MNAT1: variants seen among roughly 807,000 people sequenced by gnomAD.
MNAT1 encodes the protein CDK-activating kinase assembly factor MAT1.
A neutral mutation model predicts 42.0 loss-of-function variants in MNAT1; 43 were observed. That is an observed-to-expected ratio of 1.02 (90% confidence interval 0.80 to 1.32). MNAT1 has a LOEUF of 1.32. Ranked by LOEUF, MNAT1 falls within the 40% of genes most tolerant of loss-of-function variation. MNAT1 has a pLI of 0.00. For missense variants in MNAT1, 306 were observed against 350.4 expected (o/e 0.87, Z 1.01); for synonymous variants, 118 against 120.0 (o/e 0.98, Z 0.11).
At chr14:60,806,491 G>A (rs989300384) in intron 3 of MNAT1, among the ~76,000 whole-genome samples, 6 of 152,212 alleles carry the variant, frequency 3.9e-5, no homozygotes, top group African/African-American at 1.4e-4. Flanking sequence ...GACACAACTA[G>A]TTTTGTAGGC....
At chr14:60,808,802 C>T (rs1228133791) in intron 4 of MNAT1, 1 of 153,100 alleles carries the variant, frequency 6.5e-6, no homozygotes, top group Non-Finnish European at 1.5e-5. Context: ...AGAGAGAAAA[C>T]CCAGACAGAC....
At chr14:60,952,126 A>T (rs1369218410) in intron 7 of MNAT1, among the ~76,000 whole-genome samples, 1 of 152,164 alleles carries the variant, frequency 6.6e-6, no homozygotes, top group Non-Finnish European at 1.5e-5. Context: ...TCCTACCTCT[A>T]ACAGGACTGA....
At chr14:60,747,296 T>C (rs1389334530) in intron 1 of MNAT1, among the ~76,000 whole-genome samples, 2 of 152,060 alleles carry the variant, frequency 1.3e-5, no homozygotes, top group African/African-American at 2.4e-5. Flanking sequence ...AAATTATGTC[T>C]TAATGATGGG....
In MNAT1 at chr14:60,784,357, A is replaced by T. The variant is rs1385974985; in HGVS notation, c.90-11860A>T. On this transcript the variant is annotated intron_variant, in intron 1 of 7. Coordinates refer to ENST00000261245, the MANE Select transcript of MNAT1 (RefSeq NM_002431.4). Reference sequence around the variant, plus strand: ...AACTAAAAACATTTTTTTTTTTTTTAAATAGAGATGAGGGTCTTGCTGTGT... The same window carrying T: ...AACTAAAAACATTTTTTTTTTTTTTTAATAGAGATGAGGGTCTTGCTGTGT... Among the ~76,000 whole-genome samples the T allele has an allele frequency of 3.1e-4, 45 of 146,360 alleles. No homozygotes were observed. In the East Asian group the frequency reaches 5.9e-3, roughly 19 times the overall value.
At position 60,923,335 on chromosome 14, in the gene MNAT1, G is replaced by A. The variant is rs541630259; in HGVS notation, c.809+43500G>A. 3.1e-4 allele frequency among the ~76,000 whole-genome samples: 47 copies of A among 152,242 alleles called. No homozygotes were observed. In the East Asian group the frequency reaches 9.1e-3, roughly 29 times the overall value. ...AGTAATGCTGATGCTGATGGTTAAG[G>A]ACTATACTTTGAGAACCACTAGCTT... On this transcript the variant is annotated intron_variant, in intron 7 of 7. Coordinates refer to ENST00000261245, the MANE Select transcript of MNAT1 (RefSeq NM_002431.4).
rs922630033 is a variant in MNAT1 at position 60,911,895 on chromosome 14, T to G, written c.809+32060T>G. Among the ~76,000 whole-genome samples, 7 of 152,216 alleles carry G rather than the reference T, an allele frequency of 4.6e-5. 1 individual carries two copies. In the East Asian group the frequency reaches 7.7e-4, roughly 17 times the overall value. The stretch of plus-strand genomic sequence containing the variant: ...TATCCTTGTTAACTTTCTGTCTCGT[T>G]GATCTGTCTAATGTTGACAGTGGGG... On this transcript the variant is annotated intron_variant, in intron 7 of 7. Coordinates refer to ENST00000261245, the MANE Select transcript of MNAT1 (RefSeq NM_002431.4).
intron 6 of MNAT1, among the ~76,000 whole-genome samples, chr14:60,841,782 T>C (rs945640723): frequency 1.3e-5 from 2 of 152,262 alleles, no homozygotes; most frequent in African/African-American, 4.8e-5. Context: ...TTTTAAGCAT[T>C]GTTAGCATGT....
intron 6 of MNAT1, among the ~76,000 whole-genome samples, chr14:60,873,608 A>G (rs1594821314): frequency 6.7e-6 from 1 of 149,962 alleles, no homozygotes; most frequent in Non-Finnish European, 1.5e-5. Flanking sequence ...AGCTGGGACT[A>G]CAGGTGAACA....
chr14:60,752,578 T>C (rs1178861503), intron 1 of MNAT1, among the ~76,000 whole-genome samples: 1 of 152,062 alleles, frequency 6.6e-6, no homozygotes, highest in East Asian at 1.9e-4. Flanking sequence ...GGTAGGAGGA[T>C]TGCTTGAGCC....
At chr14:60,828,119 CTTA>C (rs2033105575) in intron 6 of MNAT1, among the ~76,000 whole-genome samples, 1 of 151,968 alleles carries the variant, frequency 6.6e-6, no homozygotes, top group Non-Finnish European at 1.5e-5. Context: ...ACAGGTCGTC[CTTA>C]TTATATTATT....
intron 3 of MNAT1, among the ~76,000 whole-genome samples, chr14:60,799,699 A>AT (rs2032139653): frequency 6.8e-6 from 1 of 148,012 alleles, no homozygotes; most frequent in African/African-American, 2.5e-5. Flanking sequence ...TGATTAAAAA[A>AT]ATATATATAT....
chr14:60,793,959 C>A (rs2031916017), intron 1 of MNAT1, among the ~76,000 whole-genome samples: 1 of 151,862 alleles, frequency 6.6e-6, no homozygotes, highest in African/African-American at 2.4e-5. Context: ...TATGACAAGG[C>A]AGATTATAAA....
Position 60,796,386 on chromosome 14 carries a change from G to T in MNAT1, c.242+17G>T, listed in dbSNP as rs762780256. 2 of 1,600,166 alleles carry T rather than the reference G, an allele frequency of 1.2e-6. No individual in the cohort carries two copies. Among genetic ancestry groups the T allele is most frequent in the Admixed American group, 1.7e-5 (1 of 58,154 alleles). The stretch of plus-strand genomic sequence containing the variant: ...GCTAAAGATGTAAGTATTCCTGCTC[G>T]AATGATTCAGTCAACAAAGAGGACT... On this transcript the variant is annotated intron_variant, in intron 2 of 7. Transcript: ENST00000261245.
chr14:60,787,851 G>A (rs992520236), intron 1 of MNAT1, among the ~76,000 whole-genome samples: 2 of 152,064 alleles, frequency 1.3e-5, no homozygotes, highest in African/African-American at 2.4e-5. Flanking sequence ...TAGTTCTCTC[G>A]CTGTTTCTGC....
At chr14:60,840,914 C>T (rs2033531573) in intron 6 of MNAT1, among the ~76,000 whole-genome samples, 1 of 152,174 alleles carries the variant, frequency 6.6e-6, no homozygotes. Context: ...ATCCGCCCAC[C>T]TCAGTCTCCC....
intron 7 of MNAT1, among the ~76,000 whole-genome samples, chr14:60,918,756 ATT>A (rs869110933): frequency 2.2e-3 from 322 of 147,884 alleles, no homozygotes; most frequent in African/African-American, 7.2e-3. Flanking sequence ...ATATATATAT[ATT>A]TTTGTCCTTA....
intron 5 of MNAT1, among the ~76,000 whole-genome samples, chr14:60,814,942 T>C (rs1232687648): frequency 6.6e-6 from 1 of 152,148 alleles, no homozygotes; most frequent in Non-Finnish European, 1.5e-5. Flanking sequence ...ACTTTAAAAA[T>C]GAATTAGTAA....
intron 1 of MNAT1, among the ~76,000 whole-genome samples, chr14:60,790,208 T>C (rs1791620321): frequency 6.6e-6 from 1 of 151,936 alleles, no homozygotes; most frequent in East Asian, 1.9e-4. Flanking sequence ...AAGTGTAGAG[T>C]ATGAAGAGGA....
chr14:60,872,697 A>G (rs188942980), intron 6 of MNAT1, among the ~76,000 whole-genome samples: 2 of 151,728 alleles, frequency 1.3e-5, no homozygotes, highest in East Asian at 3.9e-4. Flanking sequence ...ACTAACAAAT[A>G]TTCCATGATC....
Sources: gnomAD v4.1 joint callset for allele counts (sites outside exome capture counted in the v4.1 genomes callset) on GRCh38, gnomAD v4.1.1 for gene constraint, MANE v1.5 for transcripts, NCBI Gene and HGNC (gene_info 2026-07-23, HGNC 2026-07-21) for gene names.